MTMR10: variants seen among roughly 807,000 people sequenced by gnomAD.
MTMR10 encodes myotubularin-related protein 10.
MTMR10 carries 56 observed loss-of-function variants against 88.1 expected under a neutral mutation model. The ratio of observed to expected loss-of-function variants is 0.64; its 90% CI spans 0.51 to 0.79. The LOEUF is 0.79. Ranked by LOEUF, MTMR10 falls within the 30% of genes least tolerant of loss-of-function variation. MTMR10 has a pLI of 0.00. For synonymous variants in MTMR10, 380 were observed against 340.9 expected (o/e 1.11, Z -1.26); for missense variants, 883 against 924.7 (o/e 0.95, Z 0.58).
intron 12 of MTMR10, chr15:30,950,354 G>C (rs2063227168): frequency 6.6e-6 from 1 of 152,140 alleles, no homozygotes; most frequent in African/African-American, 2.4e-5. Flanking sequence ...AGTCAATCAA[G>C]TTTGGCAGTT....
intron 11 of MTMR10, among the ~76,000 whole-genome samples, chr15:30,952,823 TC>T (rs1321626325): frequency 6.6e-6 from 1 of 151,984 alleles, no homozygotes; most frequent in Non-Finnish European, 1.5e-5. Flanking sequence ...GGAGACTTGC[TC>T]TATCACCCAG....
At chr15:30,945,561 C>A (rs545026828) in intron 14 of MTMR10, among the ~76,000 whole-genome samples, 7 of 152,054 alleles carry the variant, frequency 4.6e-5, no homozygotes, top group African/African-American at 1.7e-4. Context: ...TGTGTGCGCA[C>A]GGGGTAGTGA....
At chr15:30,936,484 A>G (rs1401725074), downstream of MTMR10, among the ~76,000 whole-genome samples, 1 of 152,222 alleles carries the variant, frequency 6.6e-6, no homozygotes, top group African/African-American at 2.4e-5. Flanking sequence ...GCATGCTTTA[A>G]AACAATTTTT....
At position 30,946,647 on chromosome 15, in the gene MTMR10, G is replaced by C. The variant is rs2063175369; in HGVS notation, c.1548+483C>G. 3 of 684,330 alleles carry C rather than the reference G, an allele frequency of 4.4e-6. No homozygotes were observed. The South Asian group carries it at 4.6e-5, about 11-fold the overall frequency. The allele number at this position is 684,330 out of a possible 1,614,324, so 42.4% of individuals were successfully genotyped here. ...TCGAGGTGGGTGAAATGGCACTTTG[G>C]TTCAGAATGGTTTCAAGTTTGGCTT... On this transcript the variant is annotated intron_variant, in intron 14 of 15. Coordinates refer to ENST00000435680, the MANE Select transcript of MTMR10 (RefSeq NM_017762.3).
chr15:30,929,203 G>C, the MTMR10 span: 1 of 1,610,486 alleles, frequency 6.2e-7, no homozygotes, highest in African/African-American at 1.3e-5. Flanking sequence ...TGTGACACAG[G>C]CATTCCCCCT....
Position 30,943,435 on chromosome 15 carries a change from C to T in MTMR10, c.1549-363G>A, listed in dbSNP as rs562229011. On this transcript the variant is annotated intron_variant, in intron 14 of 15. Coordinates refer to ENST00000435680, the MANE Select transcript of MTMR10 (RefSeq NM_017762.3). ...ACAGTATTTTACTTTTATGAGCACA[C>T]GGTCAGTACATTTAAGTAGTTACCT... is the stretch of plus-strand genomic sequence containing the variant. 92 of 984,994 alleles carry T rather than the reference C, an allele frequency of 9.3e-5. No homozygotes were observed. The South Asian group carries it at 2.5e-3, about 27-fold the overall frequency. The allele number at this position is 984,994 out of a possible 1,614,324, so 61.0% of individuals were successfully genotyped here. A position where few individuals can be genotyped will look rare whatever the true frequency, so the allele number is the denominator to read the frequency against.
chr15:30,939,267 C>T lies in MTMR10; in HGVS notation c.*2203G>A, dbSNP rs888576755. The T allele has an allele frequency of 9.1e-6, 9 of 985,336 alleles. No homozygotes were observed. The highest frequency in any genetic ancestry group is 5.2e-5 in the African/African-American group (3 of 57,242). 61.0% of individuals were successfully genotyped at this position (985,336 alleles called of 1,614,324 possible). On this transcript the variant is annotated 3_prime_UTR_variant, in exon 16 of 16. Coordinates refer to ENST00000435680, the MANE Select transcript of MTMR10 (RefSeq NM_017762.3). Reference sequence around the variant, plus strand: ...AACAGCAAGACACTGTACACCTTTACGTTCAATACTAGAAATTTCACCCAG... The same window carrying T: ...AACAGCAAGACACTGTACACCTTTATGTTCAATACTAGAAATTTCACCCAG...
At chr15:30,943,126 C>A (rs1403959643) in intron 14 of MTMR10, 54 bp from the exon 15 acceptor site, 19 of 1,504,876 alleles carry the variant, frequency 1.3e-5, no homozygotes, top group Admixed American at 4.5e-5. Flanking sequence ...TCATGAATGC[C>A]TTTTTTCAGA....
chr15:30,991,614 C>A lies in MTMR10; in HGVS notation c.-108G>T. 1 of 1,341,698 alleles carries A rather than the reference C, an allele frequency of 7.5e-7. No individual in the cohort carries two copies. Among genetic ancestry groups the A allele is most frequent in the East Asian group, 3.0e-5 (1 of 33,594 alleles). 83.1% of individuals were successfully genotyped at this position (1,341,698 alleles called of 1,614,324 possible). The stretch of plus-strand genomic sequence containing the variant: ...CGCCCAGGCCCTTTCTGCGGCCAGC[C>A]GAGCCGGGCGGACTGACGGGCGGGG... On this transcript the variant is annotated 5_prime_UTR_variant, in exon 1 of 16. Coordinates refer to ENST00000435680, the MANE Select transcript of MTMR10 (RefSeq NM_017762.3).
At chr15:30,938,588 G>A (rs1348613186), downstream of MTMR10, among the ~76,000 whole-genome samples, 1 of 152,186 alleles carries the variant, frequency 6.6e-6, no homozygotes, top group Non-Finnish European at 1.5e-5. Flanking sequence ...GCTGGGCAAG[G>A]GGGTGTGGTA....
At chr15:30,960,847 C>T in intron 7 of MTMR10, 34 bp downstream of exon 7, 1 of 1,501,270 alleles carries the variant, frequency 6.7e-7, no homozygotes, top group Non-Finnish European at 9.0e-7. Context: ...AAGTGACTTC[C>T]AGCCATATAT....
chr15:30,940,249 T>A lies in MTMR10; in HGVS notation c.*1221A>T, dbSNP rs1460822156. ...CAGCTTTGACCGCTACAGTGGTAGG[T>A]AGGCTCTTGTCACACAGTTTGGAAA... is the stretch of plus-strand genomic sequence containing the variant. On this transcript the variant is annotated 3_prime_UTR_variant, in exon 16 of 16. Coordinates refer to ENST00000435680, the MANE Select transcript of MTMR10 (RefSeq NM_017762.3). 9.1e-6 allele frequency: 9 copies of A among 984,334 alleles called. No homozygotes were observed. The highest frequency in any genetic ancestry group is 1.1e-5 in the Non-Finnish European group (9 of 829,650). The allele number at this position is 984,334 out of a possible 1,614,324, so 61.0% of individuals were successfully genotyped here.
In MTMR10 at chr15:30,939,163, T is replaced by G; in HGVS notation, c.*2307A>C. 1 of 985,374 alleles carries G rather than the reference T, an allele frequency of 1.0e-6. No individual in the cohort carries two copies. Among genetic ancestry groups the G allele is most frequent in the Non-Finnish European group, 1.2e-6 (1 of 829,844 alleles). 61.0% of individuals were successfully genotyped at this position (985,374 alleles called of 1,614,324 possible). ...AAATGTGAACAGCTTTCACCCTCTG[T>G]TAGTACAAATTAATATCCTTTCCTT... On this transcript the variant is annotated 3_prime_UTR_variant, in exon 16 of 16. Coordinates refer to ENST00000435680, the MANE Select transcript of MTMR10 (RefSeq NM_017762.3).
In MTMR10 at chr15:30,991,614, C is replaced by G. The variant is rs893660934; in HGVS notation, c.-108G>C. The G allele has an allele frequency of 2.9e-5, 39 of 1,341,590 alleles. No individual in the cohort carries two copies. Among genetic ancestry groups the G allele is most frequent in the Middle Eastern group, 2.5e-4 (1 of 4,080 alleles). 83.1% of individuals were successfully genotyped at this position (1,341,590 alleles called of 1,614,324 possible). ...CGCCCAGGCCCTTTCTGCGGCCAGC[C>G]GAGCCGGGCGGACTGACGGGCGGGG... On this transcript the variant is annotated 5_prime_UTR_variant, in exon 1 of 16. Coordinates refer to ENST00000435680, the MANE Select transcript of MTMR10 (RefSeq NM_017762.3).
intron 2 of MTMR10, among the ~76,000 whole-genome samples, chr15:30,978,622 T>G (rs1185600175): frequency 6.6e-6 from 1 of 152,206 alleles, no homozygotes; most frequent in East Asian, 1.9e-4. Context: ...CCTGTCTGAT[T>G]CTTTCAACAA....
intron 12 of MTMR10, among the ~76,000 whole-genome samples, chr15:30,951,013 G>A (rs142760379): frequency 2.4e-4 from 36 of 152,230 alleles, no homozygotes; most frequent in African/African-American, 7.0e-4. Context: ...GCTTTCCCCC[G>A]CCAATATTTT....
In MTMR10 at chr15:30,954,751, G is replaced by A; in HGVS notation, c.1066+12C>T. The A allele has an allele frequency of 6.3e-7, 1 of 1,583,326 alleles. No homozygotes were observed. On this transcript the variant is annotated intron_variant, in intron 10 of 15. Transcript: ENST00000435680. ...TGTGTTCATTATATATATGAAATAA[G>A]AATGAAATTACCATTAACGCATAGC...
At position 30,940,047 on chromosome 15, in the gene MTMR10, C is replaced by T; in HGVS notation, c.*1423G>A. ...ACATATAAAGGTAAAATACAGTTATCTTGAAAACACTTGTTTTAGAAAAGG... is the reference window on the plus strand; with the variant it reads ...ACATATAAAGGTAAAATACAGTTATTTTGAAAACACTTGTTTTAGAAAAGG... On this transcript the variant is annotated 3_prime_UTR_variant, in exon 16 of 16. Transcript: ENST00000435680. The T allele has an allele frequency of 1.0e-6, 1 of 979,520 alleles. No homozygotes were observed. The highest frequency in any genetic ancestry group is 1.2e-6 in the Non-Finnish European group (1 of 824,640). The allele number at this position is 979,520 out of a possible 1,614,324, so 60.7% of individuals were successfully genotyped here.
At chr15:30,952,495 G>C (rs115422944) in intron 11 of MTMR10, among the ~76,000 whole-genome samples, 2,161 of 151,440 alleles carry the variant, frequency 0.014, 56 homozygotes, top group African/African-American at 0.05. Flanking sequence ...CTCCTGAGCA[G>C]CTAGGACCAC....
Sources: gnomAD v4.1 joint callset for allele counts (sites outside exome capture counted in the v4.1 genomes callset) on GRCh38, gnomAD v4.1.1 for gene constraint, MANE v1.5 for transcripts, NCBI Gene and HGNC (gene_info 2026-07-23, HGNC 2026-07-21) for gene names.